Variants in CCDC88A observed in about 807,000 individuals in gnomAD.
CCDC88A encodes the protein coiled-coil and HOOK domain protein 88A, also known as girdin.
In CCDC88A, 54 loss-of-function variants were observed where a neutral mutation model predicts 234.3. That is an observed-to-expected ratio of 0.23 (90% CI 0.19 to 0.29). The LOEUF (loss-of-function observed/expected upper bound fraction) is 0.29. Ranked by LOEUF, CCDC88A falls within the 10% of genes least tolerant of loss-of-function variation. CCDC88A has a pLI of 1.00. For synonymous variants in CCDC88A, 753 were observed against 737.8 expected (o/e 1.02, Z -0.33); for missense variants, 1,832 against 2,123.4 (o/e 0.86, Z 2.70).
At chr2:55,412,943 C>A (rs561256712) in intron 2 of CCDC88A, among the ~76,000 whole-genome samples, 2 of 152,210 alleles carry the variant, frequency 1.3e-5, no homozygotes, top group Non-Finnish European at 2.9e-5. Context: ...TGGCTCATGC[C>A]TGTAATGCCA....
intron 18 of CCDC88A, among the ~76,000 whole-genome samples, chr2:55,319,688 C>G (rs1285972369): frequency 6.6e-6 from 1 of 151,990 alleles, no homozygotes. Flanking sequence ...TACATAAGGC[C>G]ATATTTCAAT....
chr2:55,376,579 C>T (rs1271822765), intron 3 of CCDC88A, among the ~76,000 whole-genome samples: 2 of 151,988 alleles, frequency 1.3e-5, no homozygotes, highest in African/African-American at 2.4e-5. Context: ...AAAAAGTTTT[C>T]CTCAGTATTA....
intron 8 of CCDC88A, among the ~76,000 whole-genome samples, chr2:55,354,164 A>T (rs150474642): frequency 1.9e-3 from 290 of 151,374 alleles, no homozygotes; most frequent in South Asian, 2.9e-3. Flanking sequence ...TTTTTGAGAC[A>T]GAGTCTCGCT....
chr2:55,342,497 G>A (rs1433281973), intron 12 of CCDC88A, among the ~76,000 whole-genome samples: 1 of 152,084 alleles, frequency 6.6e-6, no homozygotes, highest in Non-Finnish European at 1.5e-5. Context: ...CACTTAACAA[G>A]TAAGGAAACT....
At chr2:55,366,697 C>A (rs1340255946) in intron 5 of CCDC88A, among the ~76,000 whole-genome samples, 1 of 152,002 alleles carries the variant, frequency 6.6e-6, no homozygotes, top group African/African-American at 2.4e-5. Flanking sequence ...AGATCTTAAG[C>A]CCTTAATACT....
chr2:55,378,574 A>T (rs1674075732), intron 3 of CCDC88A, among the ~76,000 whole-genome samples: 1 of 142,118 alleles, frequency 7.0e-6, no homozygotes, highest in Non-Finnish European at 1.5e-5. Context: ...CTTAGAGTTA[A>T]TGAGGAAAAA....
At chr2:55,369,517 T>G (rs370131191) in intron 5 of CCDC88A, among the ~76,000 whole-genome samples, 1 of 150,038 alleles carries the variant, frequency 6.7e-6, no homozygotes, top group African/African-American at 2.4e-5. Flanking sequence ...AGTGGAGCCA[T>G]CTCAGCTCAC....
At chr2:55,307,683 CTCACTATGTT>C (rs1322173834) in intron 25 of CCDC88A, among the ~76,000 whole-genome samples, 2 of 151,202 alleles carry the variant, frequency 1.3e-5, no homozygotes, top group African/African-American at 4.9e-5. Context: ...GAGACAGTGT[CTCACTATGTT>C]GCCCAGGCTG....
intron 12 of CCDC88A, 34 bp downstream of exon 12, chr2:55,343,614 G>C (rs757139779): frequency 1.1e-5 from 16 of 1,522,538 alleles, no homozygotes; most frequent in Non-Finnish European, 1.4e-5. Flanking sequence ...TTCATGATTC[G>C]ATTATCTATT....
At chr2:55,327,699 C>T (rs577240883) in intron 17 of CCDC88A, among the ~76,000 whole-genome samples, 4 of 152,352 alleles carry the variant, frequency 2.6e-5, no homozygotes, top group African/African-American at 4.8e-5. Context: ...CAGAACATGA[C>T]TCTACCAATC....
chr2:55,380,289 G>C (rs1459414294), intron 3 of CCDC88A, among the ~76,000 whole-genome samples: 2 of 151,918 alleles, frequency 1.3e-5, no homozygotes, highest in Non-Finnish European at 2.9e-5. Context: ...AGTATTGGTG[G>C]AGGTGGAGAT....
intron 31 of CCDC88A, chr2:55,294,762 T>C: frequency 1.0e-6 from 1 of 1,003,238 alleles, no homozygotes; most frequent in African/African-American, 1.7e-5. Context: ...AACATGCTTC[T>C]GGATATCAAA....
intron 8 of CCDC88A, chr2:55,355,191 T>A (rs1460305139): frequency 1.1e-5 from 2 of 185,740 alleles, no homozygotes; most frequent in African/African-American, 4.8e-5. Flanking sequence ...TTTAAAACAT[T>A]AAATTTTGGG....
intron 4 of CCDC88A, among the ~76,000 whole-genome samples, chr2:55,373,577 C>A (rs954826018): frequency 6.6e-6 from 1 of 152,188 alleles, no homozygotes; most frequent in Non-Finnish European, 1.5e-5. Context: ...ATCTGTGTAT[C>A]CTTCACCAAA....
At chr2:55,394,106 T>C (rs1200867114) in intron 2 of CCDC88A, 1 of 150,250 alleles carries the variant, frequency 6.7e-6, no homozygotes. Flanking sequence ...AGATGTGCAC[T>C]ACCACACCCA....
chr2:55,389,515 G>C (rs1676234845), intron 2 of CCDC88A, among the ~76,000 whole-genome samples: 1 of 152,120 alleles, frequency 6.6e-6, no homozygotes. Context: ...CCATCCAACA[G>C]GAAATAGAAA....
chr2:55,321,082 C>T (rs1683566265), intron 18 of CCDC88A: 1 of 145,864 alleles, frequency 6.9e-6, no homozygotes, highest in Non-Finnish European at 1.5e-5. Flanking sequence ...TGCATTCCAG[C>T]CTGGGAGATG....
rs1467041008 is a variant in CCDC88A at position 55,290,738 on chromosome 2, A to G, written c.*462T>C. 1.3e-5 allele frequency: 2 copies of G among 152,578 alleles called. No homozygotes were observed. Among genetic ancestry groups the G allele is most frequent in the African/African-American group, 4.8e-5 (2 of 41,466 alleles). The allele number at this position is 152,578 out of a possible 1,614,324, so 9.5% of individuals were successfully genotyped here. A position where few individuals can be genotyped will look rare whatever the true frequency, so the allele number is the denominator to read the frequency against. On this transcript the variant is annotated 3_prime_UTR_variant, in exon 33 of 33. Coordinates refer to ENST00000436346, the MANE Select transcript of CCDC88A (RefSeq NM_001365480.1). ...AGTACATTCCACAAAATACTACAGC[A>G]TTTAATTTAGGTTTACACAACTAAA...
chr2:55,368,274 T>C (rs928034532), intron 5 of CCDC88A, among the ~76,000 whole-genome samples: 6 of 152,234 alleles, frequency 3.9e-5, no homozygotes, highest in East Asian at 3.8e-4. Flanking sequence ...TTTATGTGGC[T>C]TTTACTTACA....
Sources: gnomAD v4.1 joint callset for allele counts (sites outside exome capture counted in the v4.1 genomes callset) on GRCh38, gnomAD v4.1.1 for gene constraint, MANE v1.5 for transcripts, NCBI Gene and HGNC (gene_info 2026-07-23, HGNC 2026-07-21) for gene names.